ANKS1B: variants seen among roughly 807,000 people sequenced by gnomAD.
ANKS1B encodes the protein ankyrin repeat and sterile alpha motif domain containing 1B.
In ANKS1B, 36 loss-of-function variants were observed where a neutral mutation model predicts 148.3. That is an observed-to-expected ratio of 0.24 (90% CI 0.19 to 0.32). The LOEUF is 0.32. Among genes scored for constraint, ANKS1B ranks in the 10% least tolerant of loss-of-function variants. ANKS1B has a pLI of 1.00. For synonymous variants in ANKS1B, 542 were observed against 560.8 expected (o/e 0.97, Z 0.47); for missense variants, 1,157 against 1,542.6 (o/e 0.75, Z 4.19).
chr12:99,127,897 C>T (rs960827335), intron 15 of ANKS1B, among the ~76,000 whole-genome samples: 2 of 152,142 alleles, frequency 1.3e-5, no homozygotes, highest in Non-Finnish European at 2.9e-5. Context: ...CAAGGATGAA[C>T]ACAATTTATT....
intron 22 of ANKS1B, among the ~76,000 whole-genome samples, chr12:98,783,077 C>T (rs79613664): frequency 0.11 from 17,039 of 152,280 alleles, 1,885 homozygotes; most frequent in African/African-American, 0.29. Context: ...CAGTGGATTT[C>T]GGTAAATCAC....
chr12:99,155,255 C>T (rs865948043), intron 14 of ANKS1B, among the ~76,000 whole-genome samples: 2 of 152,146 alleles, frequency 1.3e-5, no homozygotes, highest in Admixed American at 6.6e-5. Context: ...CGTTTCTGAT[C>T]TGAAGCTTTG....
intron 1 of ANKS1B, among the ~76,000 whole-genome samples, chr12:99,974,925 T>C (rs1486157547): frequency 2.0e-5 from 3 of 152,096 alleles, no homozygotes; most frequent in Non-Finnish European, 2.9e-5. Flanking sequence ...TTTGCACAGA[T>C]TCATCAGAAG....
At position 98,809,358 on chromosome 12, in the gene ANKS1B, C is replaced by T. The variant is rs1399080158; in HGVS notation, c.3067-1440G>A. On this transcript the variant is annotated intron_variant, in intron 19 of 26. Coordinates refer to ENST00000683438, the MANE Select transcript of ANKS1B (RefSeq NM_001352186.2). ...CTGATTTGAATGTACTAACTCCATG[C>T]GTTAGCTGGATTACCATCTTAAGTG... 2.6e-5 allele frequency among the ~76,000 whole-genome samples: 4 copies of T among 152,204 alleles called. No individual in the cohort carries two copies. The East Asian group carries it at 7.7e-4, about 29-fold the overall frequency.
chr12:98,892,795 ACT>A (rs1458607806), intron 17 of ANKS1B, among the ~76,000 whole-genome samples: 1 of 152,228 alleles, frequency 6.6e-6, no homozygotes, highest in Non-Finnish European at 1.5e-5. Flanking sequence ...GAGGCAAAAC[ACT>A]GTTTTCTCCT....
intron 1 of ANKS1B, among the ~76,000 whole-genome samples, chr12:99,847,457 T>C (rs1193676501): frequency 6.6e-6 from 1 of 152,168 alleles, no homozygotes; most frequent in Non-Finnish European, 1.5e-5. Context: ...TGTCTGATAG[T>C]AGGTCATAAG....
chr12:99,008,305 C>G (rs567473565), intron 17 of ANKS1B, among the ~76,000 whole-genome samples: 1 of 152,200 alleles, frequency 6.6e-6, no homozygotes, highest in Non-Finnish European at 1.5e-5. Context: ...CTCCCTCCCT[C>G]TCTCCCTCCT....
chr12:99,435,125 T>A (rs954620026), intron 11 of ANKS1B, among the ~76,000 whole-genome samples: 1 of 152,070 alleles, frequency 6.6e-6, no homozygotes, highest in Non-Finnish European at 1.5e-5. Context: ...GACCACTATA[T>A]GGATTGAAGG....
rs146093456 is a variant in ANKS1B, at chr12:99,253,129, A to T, written c.1757-6265T>A. 5.0e-3 allele frequency among the ~76,000 whole-genome samples: 766 copies of T among 151,858 alleles called. 11 individuals are homozygous for T. Among genetic ancestry groups the T allele is most frequent in the African/African-American group, 0.018 (741 of 41,412 alleles). On this transcript the variant is annotated intron_variant, in intron 12 of 26. Transcript: ENST00000683438. ...TGAGTTCCAGCTACTCAGGAGACTG[A>T]GATGGGAGGATTGCTTGAGCCCAGG...
At chr12:99,672,400 G>A (rs766707153) in intron 8 of ANKS1B, among the ~76,000 whole-genome samples, 1 of 151,908 alleles carries the variant, frequency 6.6e-6, no homozygotes, top group African/African-American at 2.4e-5. Context: ...TCAAATACAC[G>A]TAACTCTGAC....
At chr12:98,931,267 A>G (rs1308668420) in intron 17 of ANKS1B, among the ~76,000 whole-genome samples, 1 of 152,144 alleles carries the variant, frequency 6.6e-6, no homozygotes, top group Admixed American at 6.6e-5. Context: ...TTCAAACATA[A>G]CTGAAGTAGA....
chr12:98,870,082 T>C (rs1053093815), intron 17 of ANKS1B, among the ~76,000 whole-genome samples: 3 of 152,236 alleles, frequency 2.0e-5, no homozygotes, highest in Non-Finnish European at 2.9e-5. Context: ...GTGCTTCAGT[T>C]GCTTTACCTG....
intron 17 of ANKS1B, among the ~76,000 whole-genome samples, chr12:99,050,434 A>G (rs1040850367): frequency 1.3e-5 from 2 of 152,204 alleles, no homozygotes; most frequent in Non-Finnish European, 2.9e-5. Context: ...CTCACCACCA[A>G]GAGTGTGAAC....
intron 15 of ANKS1B, among the ~76,000 whole-genome samples, chr12:99,143,683 A>G (rs1305393124): frequency 6.6e-6 from 1 of 152,106 alleles, no homozygotes; most frequent in Non-Finnish European, 1.5e-5. Context: ...CTGAGAACAA[A>G]CTTGACCTGG....
chr12:99,309,254 T>C (rs2082805881), intron 12 of ANKS1B, among the ~76,000 whole-genome samples: 1 of 152,022 alleles, frequency 6.6e-6, no homozygotes, highest in Non-Finnish European at 1.5e-5. Flanking sequence ...TTTTTGTCAA[T>C]TTAAAAATTT....
At chr12:98,757,927 C>CGT (rs2098294829) in intron 25 of ANKS1B, among the ~76,000 whole-genome samples, 3 of 103,066 alleles carry the variant, frequency 2.9e-5, no homozygotes, top group African/African-American at 7.3e-5. Flanking sequence ...CATGTGTGTG[C>CGT]ATGTGTGCAC....
At chr12:99,137,153 T>C (rs981167524) in intron 15 of ANKS1B, among the ~76,000 whole-genome samples, 3 of 152,210 alleles carry the variant, frequency 2.0e-5, no homozygotes, top group Non-Finnish European at 4.4e-5. Flanking sequence ...AATACTGCCA[T>C]TGAAATGGGA....
At chr12:99,009,436 G>C (rs1047386493) in intron 17 of ANKS1B, among the ~76,000 whole-genome samples, 1 of 152,140 alleles carries the variant, frequency 6.6e-6, no homozygotes, top group African/African-American at 2.4e-5. Flanking sequence ...CTGAGCTCTC[G>C]GTTCTATGCC....
At chr12:99,653,643 A>C (rs7975185) in intron 9 of ANKS1B, among the ~76,000 whole-genome samples, 1 of 151,034 alleles carries the variant, frequency 6.6e-6, no homozygotes, top group African/African-American at 2.4e-5. Context: ...TTTGCTTGAT[A>C]AAGAAGACAT....
Sources: allele counts gnomAD v4.1 joint callset (sites outside exome capture counted in the v4.1 genomes callset), GRCh38; gene constraint gnomAD v4.1.1; transcripts MANE v1.5; gene names NCBI Gene and HGNC (gene_info 2026-07-23, HGNC 2026-07-21).